The following CEBPZ variants were observed in gnomAD, a reference collection of about 807,000 sequenced individuals.
The protein encoded by CEBPZ is CCAAT/enhancer-binding protein zeta.
Under a neutral mutation model 104.5 loss-of-function variants are expected in CEBPZ, and 78 were observed. That is an observed-to-expected ratio of 0.75 (90% CI 0.62 to 0.90). The LOEUF is 0.90. Ranked by LOEUF, CEBPZ falls within the 40% of genes least tolerant of loss-of-function variation. The pLI, the probability that CEBPZ is intolerant of heterozygous loss-of-function variation, is 0.00. For missense variants in CEBPZ, 1,439 were observed against 1,233.5 expected, an observed-to-expected ratio of 1.17 and a Z score of -2.50; for synonymous variants, 470 against 427.0, an observed-to-expected ratio of 1.10 and a Z score of -1.24.
intron 1 of CEBPZ, 152 bp from the exon 2 acceptor site, chr2:37,229,188 A>G (rs1664971287): frequency 1.6e-6 from 1 of 637,456 alleles, no homozygotes; most frequent in Non-Finnish European, 2.4e-6. Flanking sequence ...AAAGGAAAGG[A>G]TAAGTAAATT....
intron 4 of CEBPZ, among the ~76,000 whole-genome samples, 189 bp from the exon 5 acceptor site, chr2:37,220,662 A>C (rs1229560641): frequency 6.6e-6 from 1 of 152,182 alleles, no homozygotes; most frequent in African/African-American, 2.4e-5. Context: ...CTGCTCTTGA[A>C]TAAAGCAGAG....
At chr2:37,219,743 T>C (rs1371328729) in intron 5 of CEBPZ, among the ~76,000 whole-genome samples, 1 of 152,194 alleles carries the variant, frequency 6.6e-6, no homozygotes, top group Non-Finnish European at 1.5e-5. Context: ...GAAAAGTAAC[T>C]TTACTTGCAA....
rs556136813 is a variant in CEBPZ at position 37,215,075 on chromosome 2, A to G, written c.2381-123T>C. On this transcript the variant is annotated intron_variant, in intron 8 of 15. Coordinates refer to ENST00000234170, the MANE Select transcript of CEBPZ (RefSeq NM_005760.3). Reference sequence around the variant, plus strand: ...AAATCTCAGAATTGTGTGGGAAGGTAGACAGAAGGGACTCTGGAGTGCAAG... The same window carrying G: ...AAATCTCAGAATTGTGTGGGAAGGTGGACAGAAGGGACTCTGGAGTGCAAG... The G allele has an allele frequency of 2.7e-5, 18 of 678,764 alleles. No individual in the cohort carries two copies. The South Asian group carries it at 3.0e-4, about 11-fold the overall frequency. 42.0% of individuals were successfully genotyped at this position (678,764 alleles called of 1,614,324 possible).
Position 37,217,993 on chromosome 2 carries a change from C to G in CEBPZ, c.2155-956G>C, listed in dbSNP as rs185454983. Among the ~76,000 whole-genome samples the G allele has an allele frequency of 3.6e-3, 549 of 151,468 alleles. 2 individuals carry two copies. Among genetic ancestry groups the G allele is most frequent in the Non-Finnish European group, 4.4e-3 (301 of 67,914 alleles). On this transcript the variant is annotated intron_variant, in intron 5 of 15. Coordinates refer to ENST00000234170, the MANE Select transcript of CEBPZ (RefSeq NM_005760.3). The stretch of plus-strand genomic sequence containing the variant: ...TATGAAAAATAATTATGCAGCCAGG[C>G]GAGGTGGCTCATGCCTGTAATCCCA...
chr2:37,216,946 TTTC>T (rs1388765317), intron 6 of CEBPZ, 35 bp downstream of exon 6: 3 of 1,517,594 alleles, frequency 2.0e-6, no homozygotes, highest in Admixed American at 1.7e-5. Flanking sequence ...TGATACTTTT[TTTC>T]TTATTTCTCA....
chr2:37,207,945 A>T (rs1677594065), intron 13 of CEBPZ, among the ~76,000 whole-genome samples: 1 of 152,186 alleles, frequency 6.6e-6, no homozygotes, highest in Non-Finnish European at 1.5e-5. Flanking sequence ...GAATAAGCTC[A>T]ATTAGAGACG....
chr2:37,209,193 C>T (rs755367182), intron 13 of CEBPZ: 3 of 152,036 alleles, frequency 2.0e-5, no homozygotes, highest in Non-Finnish European at 4.4e-5. Flanking sequence ...TGGGTAGAAT[C>T]GATATTGTGA....
At chr2:37,212,473 A>G in intron 10 of CEBPZ, 81 bp from the exon 11 acceptor site, 5 of 1,202,366 alleles carry the variant, frequency 4.2e-6, no homozygotes, top group Middle Eastern at 1.9e-4. Context: ...CAATTATTCT[A>G]AGTCATGATT....
chr2:37,212,735 G>A (rs1677762747), intron 10 of CEBPZ: 1 of 242,778 alleles, frequency 4.1e-6, no homozygotes, highest in African/African-American at 2.3e-5. Context: ...TAATAGGTGT[G>A]ATACAATATG....
Position 37,227,526 on chromosome 2 carries a change from G to T in CEBPZ, c.1649+18C>A. On this transcript the variant is annotated intron_variant, in intron 2 of 15. Transcript: ENST00000234170. ...AAGTTATTATTTCATGTCTCATATTGGAAGGGTATGTTCTTACCTGTATAA... is the reference window on the plus strand; with the variant it reads ...AAGTTATTATTTCATGTCTCATATTTGAAGGGTATGTTCTTACCTGTATAA... 6.4e-7 allele frequency: 1 copy of T among 1,568,122 alleles called. No individual in the cohort carries two copies. The highest frequency in any genetic ancestry group is 1.9e-5 in the Admixed American group (1 of 53,724).
chr2:37,206,212 G>A (rs1677534516), intron 13 of CEBPZ, among the ~76,000 whole-genome samples: 1 of 152,208 alleles, frequency 6.6e-6, no homozygotes, highest in South Asian at 2.1e-4. Flanking sequence ...TGGATGGACA[G>A]AACAGCGTGT....
chr2:37,229,347 T>C (rs913250400), intron 1 of CEBPZ, among the ~76,000 whole-genome samples: 1 of 152,186 alleles, frequency 6.6e-6, no homozygotes, highest in African/African-American at 2.4e-5. Context: ...TATAAGTTTC[T>C]ACACATCAGT....
At chr2:37,220,876 A>C (rs1440391002) in intron 4 of CEBPZ, among the ~76,000 whole-genome samples, 2 of 152,226 alleles carry the variant, frequency 1.3e-5, no homozygotes, top group Non-Finnish European at 2.9e-5. Context: ...GTGTGCCTGT[A>C]GTCCCAGCTA....
intron 10 of CEBPZ, 158 bp from the exon 11 acceptor site, chr2:37,212,550 T>C: frequency 1.6e-6 from 1 of 644,684 alleles, no homozygotes; most frequent in East Asian, 2.6e-5. Flanking sequence ...GCCTTAATAA[T>C]GTATACAAAC....
intron 12 of CEBPZ, 70 bp downstream of exon 12, chr2:37,211,773 C>T (rs975217585): frequency 1.7e-6 from 2 of 1,192,922 alleles, no homozygotes; most frequent in Non-Finnish European, 2.3e-6. Flanking sequence ...AAACCTTTAG[C>T]AGAAAAACAA....
chr2:37,211,042 CTTGCTTTTCTT>C lies in CEBPZ; in HGVS notation c.2830_2840del (p.Lys944GlufsTer6). On this transcript the variant is annotated frameshift_variant, in exon 13 of 16. Coordinates refer to ENST00000234170, the MANE Select transcript of CEBPZ (RefSeq NM_005760.3). LOFTEE classifies it high-confidence loss of function. ...AGTCAAAATCATCTGTACCTTTTCT[CTTGCTTTTCTT>C]AGTACTGACTTTGGAGTGGACTTCA... is the stretch of plus-strand genomic sequence containing the variant. 6.2e-7 allele frequency: 1 copy of C among 1,612,126 alleles called. No homozygotes were observed. Among genetic ancestry groups the C allele is most frequent in the Non-Finnish European group, 8.5e-7 (1 of 1,179,392 alleles).
rs751400674 is a variant in CEBPZ, at chr2:37,228,662, A to C, written c.531T>G (p.Leu177=). 9 of 1,614,078 alleles carry C rather than the reference A, an allele frequency of 5.6e-6. No individual in the cohort carries two copies. Among genetic ancestry groups the C allele is most frequent in the Non-Finnish European group, 1.7e-6 (2 of 1,180,032 alleles). Reference sequence around the variant, plus strand: ...GATCATACCATTTGCCTCCAGGCCTAAGTAACAAAGTCTGTCTCTCAAAAA... The same window carrying C: ...GATCATACCATTTGCCTCCAGGCCTCAGTAACAAAGTCTGTCTCTCAAAAA... ...FEFFERQTLL[L]RPGGKWYDLE... The change falls in exon 2 of 16, where the codon CTT becomes CTG. Residue 177 remains leucine, a synonymous_variant. Transcript: ENST00000234170.
chr2:37,202,796 T>G lies in CEBPZ; in HGVS notation c.3013A>C (p.Lys1005Gln), dbSNP rs757074596. Residue 1005 changes from lysine (K) to glutamine (Q), a missense_variant, in exon 15 of 16, where the codon AAA becomes CAA. Coordinates refer to ENST00000234170, the MANE Select transcript of CEBPZ (RefSeq NM_005760.3). ...TTAAGTTACTTACTTGCATTATCTT[T>G]GTTAGCCATGGCATTCATGCCAATG... Reference protein sequence around the residue: ...DNIGMNAMANKDNASLKQLRW... With the variant: ...DNIGMNAMANQDNASLKQLRW... 4 of 1,580,440 alleles carry G rather than the reference T, an allele frequency of 2.5e-6. No homozygotes were observed. The highest frequency in any genetic ancestry group is 2.7e-5 in the African/African-American group (2 of 73,456).
intron 1 of CEBPZ, among the ~76,000 whole-genome samples, chr2:37,230,896 C>A (rs1400560151): frequency 6.6e-6 from 1 of 152,192 alleles, no homozygotes; most frequent in Non-Finnish European, 1.5e-5. Context: ...CGCTCCCACT[C>A]CTTATCGTCC....
Sources: gnomAD v4.1 joint callset for allele counts (sites outside exome capture counted in the v4.1 genomes callset) on GRCh38, gnomAD v4.1.1 for gene constraint, MANE v1.5 for transcripts, NCBI Gene and HGNC (gene_info 2026-07-23, HGNC 2026-07-21) for gene names.